Variants in DYNC1I1 observed in about 807,000 individuals in gnomAD.
DYNC1I1 encodes dynein cytoplasmic 1 intermediate chain 1, also known as cytoplasmic dynein 1 intermediate chain 1.
In DYNC1I1, 43 loss-of-function variants were observed where a neutral mutation model predicts 86.6. The ratio of observed to expected loss-of-function variants is 0.50; its 90% CI spans 0.39 to 0.64. The LOEUF is 0.64. Among genes scored for constraint, DYNC1I1 ranks in the 30% least tolerant of loss-of-function variants. The probability of loss-of-function intolerance (pLI) is 0.00; values close to 1 mark genes in which losing one functional copy is unlikely to be tolerated. For missense variants in DYNC1I1, 604 were observed against 788.8 expected, an observed-to-expected ratio of 0.77 and a Z score of 2.81; for synonymous variants, 262 against 283.7, an observed-to-expected ratio of 0.92 and a Z score of 0.77.
At chr7:95,797,106 T>C (rs913781239) in intron 1 of DYNC1I1, among the ~76,000 whole-genome samples, 1 of 152,192 alleles carries the variant, frequency 6.6e-6, no homozygotes, top group Non-Finnish European at 1.5e-5. Context: ...CTTGGGTATA[T>C]GTCTTATTGT....
At chr7:96,056,160 A>AT (rs538283992) in intron 14 of DYNC1I1, 8 of 149,642 alleles carry the variant, frequency 5.3e-5, no homozygotes, top group South Asian at 2.1e-4. Flanking sequence ...GGTTGGTTTG[A>AT]TTTTTTTTTT....
intron 15 of DYNC1I1, among the ~76,000 whole-genome samples, chr7:96,079,319 C>T (rs1790441442): frequency 6.6e-6 from 1 of 152,090 alleles, no homozygotes; most frequent in African/African-American, 2.4e-5. Context: ...ATCCTAGTGG[C>T]CCCCTTTTCA....
At chr7:96,081,975 C>T (rs1424159177) in intron 16 of DYNC1I1, among the ~76,000 whole-genome samples, 1 of 152,130 alleles carries the variant, frequency 6.6e-6, no homozygotes, top group Admixed American at 6.5e-5. Flanking sequence ...ATCCCCTTGA[C>T]TACTCCTGAT....
intron 15 of DYNC1I1, among the ~76,000 whole-genome samples, chr7:96,077,239 T>TTG (rs3047672): frequency 0.12 from 17,817 of 144,404 alleles, 1,104 homozygotes; most frequent in South Asian, 0.16. Context: ...TCCCTAGTAT[T>TTG]TGTGTGTGTG....
At chr7:96,086,101 G>C (rs907681074) in intron 16 of DYNC1I1, among the ~76,000 whole-genome samples, 3 of 152,180 alleles carry the variant, frequency 2.0e-5, no homozygotes, top group Non-Finnish European at 4.4e-5. Context: ...ATGATTGATA[G>C]CCAGCCTATC....
At chr7:95,777,074 C>T (rs927882760) in intron 1 of DYNC1I1, among the ~76,000 whole-genome samples, 1 of 151,794 alleles carries the variant, frequency 6.6e-6, no homozygotes. Flanking sequence ...TGTGGGACAC[C>T]AAAAAAAGTA....
At chr7:95,818,600 C>G (rs1328038417) in intron 4 of DYNC1I1, 2 of 596,720 alleles carry the variant, frequency 3.4e-6, no homozygotes, top group African/African-American at 1.9e-5. Flanking sequence ...CCTGCCTCTC[C>G]CTCCCAAAGT....
intron 6 of DYNC1I1, among the ~76,000 whole-genome samples, chr7:95,889,186 AT>A (rs1790674313): frequency 6.6e-6 from 1 of 152,240 alleles, no homozygotes. Flanking sequence ...ATCAGACTTA[AT>A]CAAATGACAT....
chr7:95,932,846 C>T (rs1345579345), intron 6 of DYNC1I1, among the ~76,000 whole-genome samples: 1 of 150,974 alleles, frequency 6.6e-6, no homozygotes, highest in Non-Finnish European at 1.5e-5. Flanking sequence ...TTAAAGTTTT[C>T]TAGTTTGTCA....
intron 6 of DYNC1I1, among the ~76,000 whole-genome samples, chr7:95,898,178 G>A (rs1257047508): frequency 6.6e-6 from 1 of 152,176 alleles, no homozygotes; most frequent in East Asian, 1.9e-4. Flanking sequence ...CCATCATGTG[G>A]TAAACTTGTC....
At chr7:95,807,649 T>C (rs1225868309) in intron 2 of DYNC1I1, among the ~76,000 whole-genome samples, 1 of 152,122 alleles carries the variant, frequency 6.6e-6, no homozygotes, top group Non-Finnish European at 1.5e-5. Context: ...TACTTCTTCC[T>C]ATCATCCTTT....
At chr7:95,874,691 C>T (rs548744655) in intron 6 of DYNC1I1, among the ~76,000 whole-genome samples, 48 of 152,122 alleles carry the variant, frequency 3.2e-4, no homozygotes, top group African/African-American at 1.2e-3. Flanking sequence ...TGTGTGTTCA[C>T]CGAGGAAAGG....
chr7:96,110,316 A>G (rs1215034638), downstream of DYNC1I1: 5 of 186,570 alleles, frequency 2.7e-5, no homozygotes, highest in East Asian at 1.8e-4. Flanking sequence ...TCTTAAATCT[A>G]CTTTGACTGA....
chr7:95,798,184 G>C (rs909254136), intron 1 of DYNC1I1, among the ~76,000 whole-genome samples: 1 of 152,152 alleles, frequency 6.6e-6, no homozygotes, highest in Non-Finnish European at 1.5e-5. Context: ...CTCTTCTGTG[G>C]TATTAGTAGA....
At chr7:95,785,879 C>T (rs1794132049) in intron 1 of DYNC1I1, among the ~76,000 whole-genome samples, 2 of 144,210 alleles carry the variant, frequency 1.4e-5, no homozygotes, top group African/African-American at 5.1e-5. Flanking sequence ...GAGTTCTCAC[C>T]CTGAATGCAT....
chr7:96,001,157 G>A (rs1794002236), intron 10 of DYNC1I1, among the ~76,000 whole-genome samples: 1 of 152,132 alleles, frequency 6.6e-6, no homozygotes. Flanking sequence ...CCCATCCACT[G>A]TGCTACAACC....
At chr7:95,959,114 G>T (rs1184018776) in intron 6 of DYNC1I1, among the ~76,000 whole-genome samples, 1 of 152,166 alleles carries the variant, frequency 6.6e-6, no homozygotes, top group Non-Finnish European at 1.5e-5. Context: ...GGAGCAGTGG[G>T]TACCAAGGCT....
At chr7:95,932,570 T>C (rs1052202108) in intron 6 of DYNC1I1, among the ~76,000 whole-genome samples, 6 of 152,262 alleles carry the variant, frequency 3.9e-5, no homozygotes, top group Middle Eastern at 6.8e-3. Context: ...CCTGAGAAAA[T>C]GTCAAGATCA....
chr7:95,954,976 A>G (rs1039458419), intron 6 of DYNC1I1, among the ~76,000 whole-genome samples: 1 of 147,746 alleles, frequency 6.8e-6, no homozygotes, highest in Admixed American at 6.7e-5. Context: ...TTCTTTTAAT[A>G]TGTCTTTTGA....
Sources: gnomAD v4.1 joint callset for allele counts (sites outside exome capture counted in the v4.1 genomes callset) on GRCh38, gnomAD v4.1.1 for gene constraint, MANE v1.5 for transcripts, NCBI Gene and HGNC (gene_info 2026-07-23, HGNC 2026-07-21) for gene names.